Variants in ZNF177 observed in about 807,000 individuals in gnomAD.
The protein encoded by ZNF177 is zinc finger protein 177.
ZNF177 carries 17 observed loss-of-function variants against 19.4 expected under a neutral mutation model. That is an observed-to-expected ratio of 0.87 (90% CI 0.60 to 1.31). ZNF177 has a LOEUF of 1.31. Ranked by LOEUF, ZNF177 falls within the 40% of genes most tolerant of loss-of-function variation. ZNF177 has a pLI of 0.00. For missense variants in ZNF177, 633 were observed against 561.8 expected (o/e 1.13, Z -1.28); for synonymous variants, 220 against 188.7 (o/e 1.17, Z -1.36).
chr19:9,380,031 T>C, intron 4 of ZNF177, 26 bp from the exon 7 acceptor site: 1 of 1,600,278 alleles, frequency 6.2e-7, no homozygotes, highest in Non-Finnish European at 8.5e-7. Flanking sequence ...CTCCCAATAA[T>C]TATAAAAATT....
At chr19:9,367,783 T>C (rs530865417) in intron 2 of ZNF177, among the ~76,000 whole-genome samples, 20 of 152,358 alleles carry the variant, frequency 1.3e-4, no homozygotes, top group Non-Finnish European at 2.4e-4. Flanking sequence ...CCTTGTAATA[T>C]TGTAAACTGC....
chr19:9,368,530 A>G (rs190789978), intron 2 of ZNF177, among the ~76,000 whole-genome samples: 2 of 152,212 alleles, frequency 1.3e-5, no homozygotes, highest in African/African-American at 4.8e-5. Context: ...TTGTAGCTTG[A>G]GTGATACTGT....
At chr19:9,373,027 C>G (rs765938946), upstream of ZNF177, among the ~76,000 whole-genome samples, 1 of 152,148 alleles carries the variant, frequency 6.6e-6, no homozygotes, top group Non-Finnish European at 1.5e-5. Context: ...GTAAGATGCA[C>G]TCTCTTGGAA....
At chr19:9,373,124 A>G (rs1271508488), upstream of ZNF177, among the ~76,000 whole-genome samples, 1 of 152,182 alleles carries the variant, frequency 6.6e-6, no homozygotes, top group Non-Finnish European at 1.5e-5. Flanking sequence ...AACAGCAAAT[A>G]CATACCCATT....
intron 2 of ZNF177, 33 bp downstream of exon 2, chr19:9,364,981 A>G (rs2067957913): frequency 2.6e-5 from 4 of 152,190 alleles, no homozygotes. Context: ...ATTACTGCTA[A>G]TGTTTTTAAG....
At chr19:9,375,424 A>G (rs1249313191), upstream of ZNF177, among the ~76,000 whole-genome samples, 1 of 152,156 alleles carries the variant, frequency 6.6e-6, no homozygotes, top group African/African-American at 2.4e-5. Flanking sequence ...GATTCTTTAA[A>G]TGTTTGGTAG....
chr19:9,374,416 T>TA (rs1211708247), upstream of ZNF177, among the ~76,000 whole-genome samples: 33 of 152,294 alleles, frequency 2.2e-4, 1 homozygote, highest in East Asian at 6.2e-3. Flanking sequence ...TCTATTTCTG[T>TA]AAAAAATATC....
rs1398399551 is a variant in ZNF177, at chr19:9,378,297, C to A, written c.-15C>A. 3 of 1,613,566 alleles carry A rather than the reference C, an allele frequency of 1.9e-6. 1 individual carries two copies. The South Asian group carries it at 3.3e-5, about 18-fold the overall frequency. ...GGACTCTGCCCAGCCAGGAAGGAAA[C>A]CTACAGGAGGAAGAATGGCTGCAGG... On this transcript the variant is annotated 5_prime_UTR_variant, in exon 2 of 6. Coordinates refer to ENST00000589262, the Ensembl canonical transcript of ZNF177.
At chr19:9,366,171 C>T (rs566131856) in intron 2 of ZNF177, among the ~76,000 whole-genome samples, 16 of 152,226 alleles carry the variant, frequency 1.1e-4, no homozygotes, top group East Asian at 9.7e-4. Flanking sequence ...TTAGTAGAGA[C>T]GTTCTTTCAC....
chr19:9,364,372 A>T (rs1354568149), intron 1 of ZNF177, among the ~76,000 whole-genome samples: 1 of 152,206 alleles, frequency 6.6e-6, no homozygotes, highest in Non-Finnish European at 1.5e-5. Flanking sequence ...ATGCTAGCAG[A>T]GAATTCATTA....
exon 6 of ZNF177, chr19:9,381,693 T>G: frequency 4.3e-6 from 7 of 1,614,176 alleles, no homozygotes; most frequent in East Asian, 2.2e-5. Flanking sequence ...CTTATAAATG[T>G]ATTCAGTGTG....
intron 1 of ZNF177, among the ~76,000 whole-genome samples, chr19:9,364,371 G>T (rs1210738745): frequency 6.6e-6 from 1 of 152,180 alleles, no homozygotes; most frequent in Non-Finnish European, 1.5e-5. Flanking sequence ...GATGCTAGCA[G>T]AGAATTCATT....
chr19:9,367,502 T>C (rs1209692249), intron 2 of ZNF177, among the ~76,000 whole-genome samples: 2 of 152,224 alleles, frequency 1.3e-5, no homozygotes, highest in Admixed American at 6.5e-5. Context: ...AGCAAGCATC[T>C]CTTGCATTCC....
At chr19:9,380,212 C>G in intron 5 of ZNF177, 73 bp downstream of exon 7, 1 of 1,485,086 alleles carries the variant, frequency 6.7e-7, no homozygotes, top group Non-Finnish European at 9.0e-7. Flanking sequence ...AAAACATCAG[C>G]ACCCAAAGCA....
At chr19:9,365,415 G>C (rs950574694) in intron 2 of ZNF177, among the ~76,000 whole-genome samples, 1 of 151,956 alleles carries the variant, frequency 6.6e-6, no homozygotes, top group African/African-American at 2.4e-5. Context: ...AAGGGACCGG[G>C]GGGTTCTTGC....
At chr19:9,370,155 T>C (rs2068029028) in intron 2 of ZNF177, among the ~76,000 whole-genome samples, 1 of 152,274 alleles carries the variant, frequency 6.6e-6, no homozygotes, top group South Asian at 2.1e-4. Flanking sequence ...CTTTTAATCA[T>C]GAAAATTTTT....
At chr19:9,380,576 C>A in intron 5 of ZNF177, 92 bp from the exon 8 acceptor site, 1 of 1,535,232 alleles carries the variant, frequency 6.5e-7, no homozygotes, top group Non-Finnish European at 8.7e-7. Flanking sequence ...CATGTGCTTC[C>A]TATATATGGC....
chr19:9,372,631 C>A (rs994499641), upstream of ZNF177, among the ~76,000 whole-genome samples: 1 of 136,062 alleles, frequency 7.3e-6, no homozygotes, highest in Non-Finnish European at 1.5e-5. Flanking sequence ...ACTGCAACTT[C>A]TGCCTCCCAG....
intron 2 of ZNF177, among the ~76,000 whole-genome samples, chr19:9,367,100 C>T (rs1267369976): frequency 1.3e-5 from 2 of 152,180 alleles, no homozygotes; most frequent in African/African-American, 4.8e-5. Context: ...GCGGGCGGAT[C>T]ATGAGGTCAG....
Sources: gnomAD v4.1 joint callset for allele counts (sites outside exome capture counted in the v4.1 genomes callset) on GRCh38, gnomAD v4.1.1 for gene constraint, MANE v1.5 for transcripts, NCBI Gene and HGNC (gene_info 2026-07-23, HGNC 2026-07-21) for gene names.